PCDHA6: variants seen among roughly 807,000 people sequenced by gnomAD.
PCDHA6 encodes protocadherin alpha 6.
PCDHA6 carries 55 observed loss-of-function variants against 60.3 expected under a neutral mutation model. The ratio of observed to expected loss-of-function variants is 0.91; its 90% confidence interval spans 0.73 to 1.14. The LOEUF is 1.14. PCDHA6 is among the 50% of genes most tolerant of loss of function. PCDHA6 has a pLI of 0.00. For synonymous variants in PCDHA6, 652 were observed against 557.9 expected (o/e 1.17, Z -2.38); for missense variants, 1,327 against 1,256.5 (o/e 1.06, Z -0.85).
intron 1 of PCDHA6, chr5:140,842,447 G>A: frequency 6.2e-7 from 1 of 1,613,790 alleles, no homozygotes; most frequent in Non-Finnish European, 8.5e-7. Context: ...TAGCGTGAAC[G>A]ACCTCGATTC....
intron 1 of PCDHA6, among the ~76,000 whole-genome samples, chr5:140,845,188 T>C (rs1416130402): frequency 1.3e-5 from 2 of 149,344 alleles, no homozygotes; most frequent in African/African-American, 4.9e-5. Flanking sequence ...CTTTAAAAAA[T>C]ATGATTGTTT....
rs781928314 is a variant in PCDHA6 at position 140,876,618 on chromosome 5, T to A, written c.2394+46133T>A. On this transcript the variant is annotated intron_variant, in intron 1 of 3. Coordinates refer to ENST00000529310, the MANE Select transcript of PCDHA6 (RefSeq NM_018909.4). ...TGTCGGATCGTGACTCTGGAGCCAA[T>A]GGACAGGTCATCTGCTCACTGACAC... is the stretch of plus-strand genomic sequence containing the variant. 3.7e-6 allele frequency: 6 copies of A among 1,614,074 alleles called. No homozygotes were observed. The South Asian group carries it at 4.4e-5, about 12-fold the overall frequency.
chr5:140,968,405 G>A, intron 1 of PCDHA6: 1 of 1,614,002 alleles, frequency 6.2e-7, no homozygotes, highest in Non-Finnish European at 8.5e-7. Flanking sequence ...GGAGTTCTTT[G>A]TGACTGTGGA....
chr5:140,871,519 A>G, intron 1 of PCDHA6: 1 of 1,554,010 alleles, frequency 6.4e-7, no homozygotes, highest in East Asian at 2.3e-5. Flanking sequence ...GATTCCACCT[A>G]TCAGGAAGTG....
intron 1 of PCDHA6, chr5:140,842,577 C>A: frequency 6.6e-7 from 1 of 1,512,698 alleles, no homozygotes; most frequent in Non-Finnish European, 9.0e-7. Context: ...GAGAGAGTGT[C>A]GGCCTATGAG....
At chr5:140,911,814 C>T (rs1165066555) in intron 1 of PCDHA6, among the ~76,000 whole-genome samples, 2 of 152,136 alleles carry the variant, frequency 1.3e-5, no homozygotes, top group African/African-American at 4.8e-5. Context: ...GCAGCCTTCT[C>T]CAGAAACCCC....
chr5:140,836,593 C>T, intron 1 of PCDHA6: 1 of 1,613,672 alleles, frequency 6.2e-7, no homozygotes, highest in Non-Finnish European at 8.5e-7. Context: ...TTGGTAAAGC[C>T]CACTCTGGTG....
intron 1 of PCDHA6, chr5:140,861,364 C>T (rs1581608735): frequency 2.8e-6 from 1 of 356,870 alleles, no homozygotes; most frequent in South Asian, 2.7e-5. Flanking sequence ...AGCGTCTTCG[C>T]GGTCCCTATT....
In PCDHA6 at chr5:140,876,046, C is replaced by T. The variant is rs781957967; in HGVS notation, c.2394+45561C>T. 1.5e-5 allele frequency: 24 copies of T among 1,613,720 alleles called. No individual in the cohort carries two copies. The Admixed American group carries it at 1.7e-4, about 11-fold the overall frequency. Reference sequence around the variant, plus strand: ...AACAAAAAAAGATAAAAGTATATTGCCTGAATTAGTTCTTCGGAAGTTATT... The same window carrying T: ...AACAAAAAAAGATAAAAGTATATTGTCTGAATTAGTTCTTCGGAAGTTATT... On this transcript the variant is annotated intron_variant, in intron 1 of 3. Transcript: ENST00000529310.
chr5:140,838,729 A>G (rs2150291864), intron 1 of PCDHA6, among the ~76,000 whole-genome samples: 7 of 152,120 alleles, frequency 4.6e-5, no homozygotes, highest in Non-Finnish European at 8.8e-5. Flanking sequence ...TCAGTCTAGT[A>G]GTTTGAGACC....
chr5:140,958,546 C>A (rs1366018855), intron 1 of PCDHA6, among the ~76,000 whole-genome samples: 3 of 152,034 alleles, frequency 2.0e-5, no homozygotes, highest in Non-Finnish European at 4.4e-5. Context: ...ATTTATGAAC[C>A]AATAAATGTT....
intron 1 of PCDHA6, among the ~76,000 whole-genome samples, chr5:140,923,065 TCTC>T: frequency 6.6e-6 from 1 of 152,304 alleles, no homozygotes; most frequent in Non-Finnish European, 1.5e-5. Context: ...AAGAGCTAGG[TCTC>T]CTCATGTCAG....
At chr5:140,835,825 A>G (rs2150245985) in intron 1 of PCDHA6, 3 of 1,612,220 alleles carry the variant, frequency 1.9e-6, no homozygotes, top group African/African-American at 1.3e-5. Context: ...TCGGCGGGGG[A>G]CGCGGACGCG....
chr5:140,961,632 A>T (rs373824042), intron 1 of PCDHA6, among the ~76,000 whole-genome samples: 2 of 152,214 alleles, frequency 1.3e-5, no homozygotes, highest in African/African-American at 4.8e-5. Context: ...ATGAAAAACA[A>T]TCTTAAGTCT....
At chr5:141,000,757 C>A (rs1236279352) in intron 3 of PCDHA6, among the ~76,000 whole-genome samples, 1 of 151,158 alleles carries the variant, frequency 6.6e-6, no homozygotes, top group Non-Finnish European at 1.5e-5. Flanking sequence ...AAAAAAAAAT[C>A]TTAGCCAGGC....
chr5:140,968,195 T>C, intron 1 of PCDHA6: 1 of 1,614,076 alleles, frequency 6.2e-7, no homozygotes, highest in East Asian at 2.2e-5. Context: ...CTATTCCATC[T>C]ACATACAGGA....
chr5:140,976,171 A>T (rs1356953697), intron 1 of PCDHA6, among the ~76,000 whole-genome samples: 1 of 152,218 alleles, frequency 6.6e-6, no homozygotes, highest in African/African-American at 2.4e-5. Flanking sequence ...TTAGTTTTGT[A>T]TTGTTTTAAA....
chr5:140,874,732 C>T (rs1338972564), intron 1 of PCDHA6, among the ~76,000 whole-genome samples: 1 of 152,186 alleles, frequency 6.6e-6, no homozygotes, highest in Non-Finnish European at 1.5e-5. Context: ...TTATCACATT[C>T]AAGCATCAAG....
chr5:140,876,553 G>A, intron 1 of PCDHA6: 2 of 1,614,216 alleles, frequency 1.2e-6, no homozygotes, highest in African/African-American at 2.7e-5. Context: ...CCCTGTGCAA[G>A]AGGATGCTCA....
Sources: allele counts gnomAD v4.1 joint callset (sites outside exome capture counted in the v4.1 genomes callset), GRCh38; gene constraint gnomAD v4.1.1; transcripts MANE v1.5; gene names NCBI Gene and HGNC (gene_info 2026-07-23, HGNC 2026-07-21).